KDM1A: variants seen among roughly 807,000 people sequenced by gnomAD.
KDM1A encodes lysine-specific histone demethylase 1A.
Under a neutral mutation model 109.4 loss-of-function variants are expected in KDM1A, and 49 were observed. The observed-to-expected ratio is 0.45, with a 90% CI of 0.36 to 0.57. The LOEUF (loss-of-function observed/expected upper bound fraction) is 0.57, where lower values mean the gene tolerates loss of function less well. Ranked by LOEUF, KDM1A falls within the 20% of genes least tolerant of loss-of-function variation. KDM1A has a pLI of 0.00. For missense variants in KDM1A, 668 were observed against 1,116.6 expected, an observed-to-expected ratio of 0.60 and a Z score of 5.73; for synonymous variants, 380 against 415.4, an observed-to-expected ratio of 0.91 and a Z score of 1.04.
intron 4 of KDM1A, 66 bp from the exon 5 acceptor site, chr1:23,053,695 T>G: frequency 8.8e-7 from 1 of 1,132,964 alleles, no homozygotes; most frequent in East Asian, 2.5e-5. Flanking sequence ...TAAAAGATGA[T>G]TTTAAAGATA....
intron 3 of KDM1A, among the ~76,000 whole-genome samples, chr1:23,047,680 C>T (rs1217352727): frequency 2.6e-5 from 4 of 152,086 alleles, no homozygotes; most frequent in Admixed American, 1.3e-4. Flanking sequence ...GATGGTGTAT[C>T]GCTTGAGCTC....
rs538693662 is a variant in KDM1A at position 23,046,292 on chromosome 1, A to G, written c.577+1806A>G. 3.0e-4 allele frequency among the ~76,000 whole-genome samples: 45 copies of G among 152,224 alleles called. No homozygotes were observed. In the East Asian group the frequency reaches 6.6e-3, roughly 22 times the overall value. The stretch of plus-strand genomic sequence containing the variant: ...ACTCTGAAGTATAGGAGGTTGTACA[A>G]TTCTCTTTTCGTTTTCTCTCTCCTC... On this transcript the variant is annotated intron_variant, in intron 3 of 20. Transcript: ENST00000400181.
intron 15 of KDM1A, among the ~76,000 whole-genome samples, chr1:23,076,144 T>C (rs1643458254): frequency 6.6e-6 from 1 of 152,204 alleles, no homozygotes; most frequent in African/African-American, 2.4e-5. Flanking sequence ...TTTGTAATAG[T>C]ATTAAATTTT....
chr1:23,049,829 A>AT (rs1356785674), intron 3 of KDM1A, among the ~76,000 whole-genome samples: 1 of 152,170 alleles, frequency 6.6e-6, no homozygotes, highest in Non-Finnish European at 1.5e-5. Context: ...GCAAATGTAA[A>AT]TTCCTTGCAT....
At chr1:23,047,706 G>T (rs1642542089) in intron 3 of KDM1A, among the ~76,000 whole-genome samples, 2 of 152,088 alleles carry the variant, frequency 1.3e-5, no homozygotes, top group Non-Finnish European at 2.9e-5. Context: ...TTTGAGACCA[G>T]CCTGGGCAAC....
chr1:23,051,076 A>C (rs539663068), intron 4 of KDM1A, among the ~76,000 whole-genome samples: 58 of 152,300 alleles, frequency 3.8e-4, no homozygotes, highest in African/African-American at 1.3e-3. Flanking sequence ...GCAACAGAGT[A>C]GAGTCCATTT....
At chr1:23,077,187 T>A (rs780670585) in intron 15 of KDM1A, 41 bp from the exon 16 acceptor site, 1 of 1,594,122 alleles carries the variant, frequency 6.3e-7, no homozygotes, top group Non-Finnish European at 8.6e-7. Context: ...TGACACAGAT[T>A]AATAAAAGGT....
At chr1:23,020,211 C>A (rs1486617563) in intron 1 of KDM1A, 10 of 365,344 alleles carry the variant, frequency 2.7e-5, no homozygotes, top group Non-Finnish European at 4.9e-5. Context: ...GTATTTTATT[C>A]CTTAGGTCTT....
chr1:23,081,333 C>A, intron 18 of KDM1A, 113 bp from the exon 19 acceptor site: 1 of 1,190,012 alleles, frequency 8.4e-7, no homozygotes, highest in Non-Finnish European at 1.2e-6. Flanking sequence ...AATGGTACTG[C>A]GTGTGTCTTG....
At position 23,052,406 on chromosome 1, in the gene KDM1A, A is replaced by G. The variant is rs149277747; in HGVS notation, c.712-1355A>G. 8.7e-4 allele frequency among the ~76,000 whole-genome samples: 133 copies of G among 152,336 alleles called. 2 individuals are homozygous for G. In the South Asian group the frequency reaches 0.015, roughly 17 times the overall value. ...ACTTGAGGAAATCCATTTACCTTACAGTGGCCACAGAGTAGAGTATCTGTG... is the reference window on the plus strand; with the variant it reads ...ACTTGAGGAAATCCATTTACCTTACGGTGGCCACAGAGTAGAGTATCTGTG... On this transcript the variant is annotated intron_variant, in intron 4 of 20. Transcript: ENST00000400181.
In KDM1A at chr1:23,059,159, G is replaced by A. The variant is rs1327361293; in HGVS notation, c.1159G>A (p.Gly387Arg). ...KQKCPLYEAN[G>R]QADTVKVPKE... ...AAAATGCCCACTTTATGAAGCCAAC[G>A]GACAAGCTGTAAGTCGAGGACAAAC... The change falls in exon 9 of 21, where the codon GGA becomes AGA. Residue 387 changes from glycine to arginine, a missense_variant. Around this residue, in one of 8 missense-constraint regions of KDM1A, gnomAD observed 53 missense variants for 122.5 expected, o/e 0.43. Coordinates refer to ENST00000400181, the MANE Select transcript of KDM1A (RefSeq NM_001009999.3). The A allele has an allele frequency of 1.2e-6, 2 of 1,611,266 alleles. No individual in the cohort carries two copies. The highest frequency in any genetic ancestry group is 1.7e-6 in the Non-Finnish European group (2 of 1,178,590).
intron 4 of KDM1A, 35 bp downstream of exon 4, chr1:23,050,555 T>C (rs1642637506): frequency 1.3e-6 from 2 of 1,558,494 alleles, no homozygotes; most frequent in African/African-American, 2.8e-5. Flanking sequence ...ACCTGGATTA[T>C]AAAAAGTATA....
intron 1 of KDM1A, among the ~76,000 whole-genome samples, chr1:23,021,683 G>A (rs561866498): frequency 6.6e-6 from 1 of 151,962 alleles, no homozygotes; most frequent in Non-Finnish European, 1.5e-5. Flanking sequence ...AAAAAAACAG[G>A]CTTATTGGGA....
Position 23,083,442 on chromosome 1 carries a change from C to T in KDM1A, c.*78C>T. 1.7e-5 allele frequency: 23 copies of T among 1,393,446 alleles called. No homozygotes were observed. Among genetic ancestry groups the T allele is most frequent in the Non-Finnish European group, 2.2e-5 (23 of 1,042,134 alleles). 86.3% of individuals were successfully genotyped at this position (1,393,446 alleles called of 1,614,324 possible). On this transcript the variant is annotated 3_prime_UTR_variant, in exon 21 of 21. Coordinates refer to ENST00000400181, the MANE Select transcript of KDM1A (RefSeq NM_001009999.3). Reference sequence around the variant, plus strand: ...GAAGGCTCTTCTAGCAATACTAGATCCCACTGAGAAAATCCACCCTGGCAT... The same window carrying T: ...GAAGGCTCTTCTAGCAATACTAGATTCCACTGAGAAAATCCACCCTGGCAT...
At chr1:23,065,508 C>A (rs1466091736) in intron 9 of KDM1A, among the ~76,000 whole-genome samples, 1 of 152,000 alleles carries the variant, frequency 6.6e-6, no homozygotes, top group East Asian at 1.9e-4. Context: ...GAAAAAAAGC[C>A]AGGTTTCAAA....
At chr1:23,051,907 G>A (rs1227596564) in intron 4 of KDM1A, among the ~76,000 whole-genome samples, 2 of 152,206 alleles carry the variant, frequency 1.3e-5, no homozygotes, top group African/African-American at 2.4e-5. Flanking sequence ...AAAGAACAGT[G>A]AAGAAAAGAT....
At chr1:23,042,440 ATTTTTTTTTTTTT>A (rs769149894) in intron 2 of KDM1A, among the ~76,000 whole-genome samples, 5 of 21,558 alleles carry the variant, frequency 2.3e-4, no homozygotes, top group South Asian at 2.7e-3. Flanking sequence ...GAAATATATT[ATTTTTTTTTTTTT>A]TTTTTTTTTT....
intron 5 of KDM1A, among the ~76,000 whole-genome samples, chr1:23,054,202 T>C (rs1345604794): frequency 6.6e-6 from 1 of 152,176 alleles, no homozygotes. Context: ...ATGAGTGTTA[T>C]AACTACTTTG....
chr1:23,037,656 A>T (rs1384074993), intron 2 of KDM1A, among the ~76,000 whole-genome samples: 1 of 152,234 alleles, frequency 6.6e-6, no homozygotes, highest in East Asian at 1.9e-4. Context: ...CTGTTTTTAA[A>T]TAATGTTTCT....
Sources: gnomAD v4.1 joint callset for allele counts (sites outside exome capture counted in the v4.1 genomes callset) on GRCh38, gnomAD v4.1.1 for gene constraint, gnomAD v4.1.1 regional missense constraint, MANE v1.5 for transcripts, NCBI Gene and HGNC (gene_info 2026-07-23, HGNC 2026-07-21) for gene names.